PREX2: variants seen among roughly 807,000 people sequenced by gnomAD.
PREX2 encodes the protein phosphatidylinositol 3,4,5-trisphosphate-dependent Rac exchanger 2 protein.
In PREX2, 107 loss-of-function variants were observed where a neutral mutation model predicts 203.2. The ratio of observed to expected loss-of-function variants is 0.53; its 90% CI spans 0.45 to 0.62. The LOEUF (loss-of-function observed/expected upper bound fraction) is 0.62, where lower values mean the gene tolerates loss of function less well. Ranked by LOEUF, PREX2 falls within the 20% of genes least tolerant of loss-of-function variation. PREX2 has a pLI of 0.00. For missense variants in PREX2, 1,777 were observed against 1,955.9 expected (o/e 0.91, Z 1.72); for synonymous variants, 672 against 663.6 (o/e 1.01, Z -0.19).
intron 4 of PREX2, among the ~76,000 whole-genome samples, chr8:68,022,651 T>A (rs890440609): frequency 6.6e-6 from 1 of 152,186 alleles, no homozygotes; most frequent in African/African-American, 2.4e-5. Context: ...GGCAAACTAA[T>A]CGCTAGTGAG....
chr8:68,063,580 G>A (rs1168120354), intron 11 of PREX2, among the ~76,000 whole-genome samples: 1 of 152,116 alleles, frequency 6.6e-6, no homozygotes, highest in Non-Finnish European at 1.5e-5. Context: ...ACTATATTAG[G>A]GAGGTTTGTT....
At position 68,060,671 on chromosome 8, in the gene PREX2, T is replaced by C. The variant is rs1227215873; in HGVS notation, c.1239-8T>C. ...CCGTTTAGCTTTTTCACTGACTTTC[T>C]CTTGCAGCGAATTTGTGTCATGGCT... On this transcript the variant is annotated splice_region_variant and splice_polypyrimidine_tract_variant and intron_variant, in intron 10 of 39. Coordinates refer to ENST00000288368, the MANE Select transcript of PREX2 (RefSeq NM_024870.4). The C allele has an allele frequency of 6.2e-7, 1 of 1,605,560 alleles. No individual in the cohort carries two copies. Among genetic ancestry groups the C allele is most frequent in the Non-Finnish European group, 8.5e-7 (1 of 1,175,414 alleles).
chr8:67,976,828 A>G (rs1469039972), intron 1 of PREX2, among the ~76,000 whole-genome samples: 1 of 148,230 alleles, frequency 6.7e-6, no homozygotes, highest in Non-Finnish European at 1.5e-5. Flanking sequence ...ACAGAGAGAG[A>G]GAAGCCAAGG....
At chr8:68,113,545 A>C (rs1258196112) in intron 25 of PREX2, among the ~76,000 whole-genome samples, 1 of 152,216 alleles carries the variant, frequency 6.6e-6, no homozygotes, top group Non-Finnish European at 1.5e-5. Flanking sequence ...GTTTAAAATC[A>C]TCCATAGCTT....
intron 1 of PREX2, among the ~76,000 whole-genome samples, chr8:68,009,264 C>A (rs780641830): frequency 2.0e-5 from 3 of 152,158 alleles, no homozygotes; most frequent in Non-Finnish European, 2.9e-5. Context: ...ACTTTAAATT[C>A]GGGAAATGAC....
chr8:68,030,254 C>A (rs776443077), intron 5 of PREX2, among the ~76,000 whole-genome samples: 1 of 152,052 alleles, frequency 6.6e-6, no homozygotes, highest in Non-Finnish European at 1.5e-5. Flanking sequence ...AAAGGAGGAA[C>A]CTAACTTAAT....
Position 68,099,750 on chromosome 8 carries a change from T to C in PREX2, c.2622T>C (p.Asn874=). 6.2e-7 allele frequency: 1 copy of C among 1,614,032 alleles called. No individual in the cohort carries two copies. The highest frequency in any genetic ancestry group is 8.5e-7 in the Non-Finnish European group (1 of 1,179,942). ...ACTGTACCAGCCTAAATTCTCTAAATGAAGTGATTCCTACTGACCTTCAGA... is the reference window on the plus strand; with the variant it reads ...ACTGTACCAGCCTAAATTCTCTAAACGAAGTGATTCCTACTGACCTTCAGA... ...VQNCTSLNSL[N]EVIPTDLQSK... is the part of the protein sequence containing the mutation. Residue 874 remains asparagine, a synonymous_variant, in exon 23 of 40, where the codon AAT becomes AAC. Coordinates refer to ENST00000288368, the MANE Select transcript of PREX2 (RefSeq NM_024870.4).
chr8:68,019,474 G>C (rs1452640901), intron 2 of PREX2, 75 bp from the exon 3 acceptor site: 1 of 1,197,570 alleles, frequency 8.4e-7, no homozygotes, highest in Non-Finnish European at 1.2e-6. Context: ...AGGTTGGAGA[G>C]AGAATACTAT....
At chr8:68,013,025 A>C (rs1366142528) in intron 1 of PREX2, among the ~76,000 whole-genome samples, 1 of 152,250 alleles carries the variant, frequency 6.6e-6, no homozygotes, top group Non-Finnish European at 1.5e-5. Context: ...AATGCAGTGC[A>C]GTCTGGTGGT....
intron 29 of PREX2, 81 bp from the exon 30 acceptor site, chr8:68,120,840 C>A: frequency 8.3e-7 from 1 of 1,206,944 alleles, no homozygotes; most frequent in Non-Finnish European, 1.2e-6. Flanking sequence ...ACAACAGTGA[C>A]AGAAGAAGGT....
At chr8:68,118,221 G>A (rs535122374) in intron 26 of PREX2, among the ~76,000 whole-genome samples, 32 of 152,136 alleles carry the variant, frequency 2.1e-4, no homozygotes, top group African/African-American at 6.0e-4. Context: ...CTGGTGTGGT[G>A]GCGGGCGCCT....
intron 1 of PREX2, among the ~76,000 whole-genome samples, chr8:67,958,605 A>G (rs551862705): frequency 6.6e-6 from 1 of 152,322 alleles, no homozygotes; most frequent in East Asian, 1.9e-4. Context: ...CCAGGTAAGA[A>G]ATGTGGAAAG....
chr8:68,155,337 T>G (rs563906888), intron 34 of PREX2, among the ~76,000 whole-genome samples: 1 of 152,194 alleles, frequency 6.6e-6, no homozygotes, highest in South Asian at 2.1e-4. Flanking sequence ...AAATGTAGTA[T>G]GTTTTCTCCC....
chr8:68,017,317 ATTCT>A (rs370817298), intron 1 of PREX2, among the ~76,000 whole-genome samples: 2 of 152,204 alleles, frequency 1.3e-5, no homozygotes, highest in African/African-American at 4.8e-5. Flanking sequence ...GGGAAAGGAA[ATTCT>A]TTCATTCCTT....
intron 1 of PREX2, among the ~76,000 whole-genome samples, chr8:67,999,140 G>A (rs889348359): frequency 5.9e-5 from 9 of 152,088 alleles, no homozygotes; most frequent in African/African-American, 2.2e-4. Context: ...TAAACTGAAG[G>A]AGATTGAGAT....
intron 2 of PREX2, among the ~76,000 whole-genome samples, chr8:68,018,468 A>AAAAT (rs918781614): frequency 2.6e-4 from 40 of 152,150 alleles, no homozygotes; most frequent in Admixed American, 3.9e-4. Context: ...ACTCTGTCTC[A>AAAAT]AAATAAATAA....
intron 8 of PREX2, 49 bp from the exon 9 acceptor site, chr8:68,053,048 A>G (rs746831040): frequency 3.9e-6 from 6 of 1,533,282 alleles, no homozygotes; most frequent in Non-Finnish European, 5.4e-6. Context: ...GGATATAATA[A>G]TATTGTGTAT....
rs1045441829 is a variant in PREX2, at chr8:68,217,576, G to A, written c.4605-40G>A. The A allele has an allele frequency of 2.1e-6, 3 of 1,460,940 alleles. No homozygotes were observed. The African/African-American group carries it at 4.2e-5, about 20-fold the overall frequency. The allele number at this position is 1,460,940 out of a possible 1,614,324, so 90.5% of individuals were successfully genotyped here. A position where few individuals can be genotyped will look rare whatever the true frequency, so the allele number is the denominator to read the frequency against. On this transcript the variant is annotated intron_variant, in intron 37 of 39. Coordinates refer to ENST00000288368, the MANE Select transcript of PREX2 (RefSeq NM_024870.4). Reference sequence around the variant, plus strand: ...CCACATCATCTCAAAGGGTGTATCAGGAACCATGGGGTCTGACTTGCCCTT... The same window carrying A: ...CCACATCATCTCAAAGGGTGTATCAAGAACCATGGGGTCTGACTTGCCCTT...
chr8:67,996,626 C>G (rs111426145), intron 1 of PREX2, among the ~76,000 whole-genome samples: 3,340 of 152,154 alleles, frequency 0.022, 117 homozygotes, highest in African/African-American at 0.073. Flanking sequence ...TTGATGGGGA[C>G]AAAAGTCTTC....
Sources: allele counts gnomAD v4.1 joint callset (sites outside exome capture counted in the v4.1 genomes callset), GRCh38; gene constraint gnomAD v4.1.1; transcripts MANE v1.5; gene names NCBI Gene and HGNC (gene_info 2026-07-23, HGNC 2026-07-21).